The following KCNMA1 variants were observed in gnomAD, a reference collection of about 807,000 sequenced individuals.
KCNMA1 encodes potassium calcium-activated channel subfamily M alpha 1, also known as Calcium-activated potassium channel subunit alpha-1.
Under a neutral mutation model 140.0 loss-of-function variants are expected in KCNMA1, and 29 were observed. That is an observed-to-expected ratio of 0.21 (90% CI 0.15 to 0.28). The LOEUF (loss-of-function observed/expected upper bound fraction) is 0.28, where lower values mean the gene tolerates loss of function less well. Among genes scored for constraint, KCNMA1 ranks in the 10% least tolerant of loss-of-function variants. The probability of loss-of-function intolerance (pLI) is 1.00; values close to 1 mark genes in which losing one functional copy is unlikely to be tolerated. For missense variants in KCNMA1, 880 were observed against 1,602.2 expected (o/e 0.55, Z 7.70); for synonymous variants, 612 against 611.9 (o/e 1.00, Z 0.00).
chr10:77,363,464 T>C (rs1302059608), intron 2 of KCNMA1, among the ~76,000 whole-genome samples: 1 of 152,258 alleles, frequency 6.6e-6, no homozygotes, highest in African/African-American at 2.4e-5. Context: ...GCATAAGCTC[T>C]TCCCATAAAA....
intron 3 of KCNMA1, among the ~76,000 whole-genome samples, chr10:77,212,321 A>C (rs958871200): frequency 6.6e-6 from 1 of 152,260 alleles, no homozygotes; most frequent in African/African-American, 2.4e-5. Context: ...GCTGGAGGCC[A>C]TAATCCTAAG....
chr10:77,042,150 T>TA (rs778474924), intron 14 of KCNMA1, among the ~76,000 whole-genome samples: 6 of 152,130 alleles, frequency 3.9e-5, no homozygotes, highest in Non-Finnish European at 7.3e-5. Context: ...TATCTACAAA[T>TA]TGGCCTTCCC....
intron 2 of KCNMA1, among the ~76,000 whole-genome samples, chr10:77,270,495 CTTTCT>C (rs1211481242): frequency 1.6e-4 from 24 of 147,144 alleles, no homozygotes; most frequent in Admixed American, 2.0e-4. Context: ...TCTTTCCTTT[CTTTCT>C]TTTCTTTTCT....
At chr10:76,928,749 T>G (rs2058478895) in intron 23 of KCNMA1, among the ~76,000 whole-genome samples, 1 of 152,154 alleles carries the variant, frequency 6.6e-6, no homozygotes, top group Non-Finnish European at 1.5e-5. Context: ...TTTGTCATCT[T>G]AAAGGAGCCG....
intron 3 of KCNMA1, among the ~76,000 whole-genome samples, chr10:77,233,858 T>C (rs1378923879): frequency 6.6e-6 from 1 of 152,218 alleles, no homozygotes; most frequent in Admixed American, 6.5e-5. Flanking sequence ...CTTTGACTTT[T>C]ATTCCCCAGT....
intron 2 of KCNMA1, chr10:77,309,612 T>C (rs1056436062): frequency 6.6e-6 from 1 of 152,212 alleles, no homozygotes; most frequent in Non-Finnish European, 1.5e-5. Context: ...TCCAGACTGG[T>C]GTGTTCTCCA....
chr10:77,061,475 C>T (rs1156662581), intron 14 of KCNMA1, among the ~76,000 whole-genome samples: 5 of 152,150 alleles, frequency 3.3e-5, no homozygotes, highest in African/African-American at 1.2e-4. Context: ...ACCTACTAGA[C>T]TGTTTAAAAT....
intron 5 of KCNMA1, among the ~76,000 whole-genome samples, chr10:77,160,960 C>T (rs1416061981): frequency 6.6e-6 from 1 of 152,174 alleles, no homozygotes; most frequent in South Asian, 2.1e-4. Flanking sequence ...TACACACAGA[C>T]AGCTGACACC....
chr10:77,355,167 A>G, intron 2 of KCNMA1: 1 of 155,886 alleles, frequency 6.4e-6, no homozygotes, highest in Non-Finnish European at 1.4e-5. Context: ...TGCTGCTGTC[A>G]GGTAAAGAAG....
chr10:77,084,436 G>A (rs2096648865), intron 12 of KCNMA1, among the ~76,000 whole-genome samples: 1 of 152,182 alleles, frequency 6.6e-6, no homozygotes, highest in Admixed American at 6.5e-5. Context: ...GTGAGCTTCC[G>A]GTTGGTGACA....
chr10:77,389,969 A>G (rs1403937803), intron 2 of KCNMA1, among the ~76,000 whole-genome samples: 2 of 152,216 alleles, frequency 1.3e-5, no homozygotes, highest in African/African-American at 4.8e-5. Flanking sequence ...CTTCACGCCA[A>G]TCACTCTGGC....
chr10:77,452,570 G>A (rs2097683899), intron 1 of KCNMA1, among the ~76,000 whole-genome samples: 1 of 152,206 alleles, frequency 6.6e-6, no homozygotes, highest in African/African-American at 2.4e-5. Flanking sequence ...TTCATGCGAT[G>A]GAGGTTTAAG....
At chr10:77,153,501 A>T (rs1483486716) in intron 5 of KCNMA1, among the ~76,000 whole-genome samples, 5 of 151,994 alleles carry the variant, frequency 3.3e-5, no homozygotes, top group African/African-American at 1.2e-4. Flanking sequence ...CGTCCTGCAT[A>T]GCTGGGACTA....
At position 77,443,874 on chromosome 10, in the gene KCNMA1, A is replaced by G. The variant is rs150299697; in HGVS notation, c.379-39851T>C. On this transcript the variant is annotated intron_variant, in intron 1 of 27. Coordinates refer to ENST00000286628, the MANE Select transcript of KCNMA1 (RefSeq NM_001161352.2). ...GATCAGTAGGGTGACTATAGTTTAG[A>G]AAATATTATATATTTCAAAGTAGCT... 6.4e-3 allele frequency among the ~76,000 whole-genome samples: 982 copies of G among 152,350 alleles called. 11 individuals are homozygous for G. The highest frequency in any genetic ancestry group is 0.054 in the Middle Eastern group (16 of 294).
chr10:77,286,773 G>T (rs796204699), intron 2 of KCNMA1, among the ~76,000 whole-genome samples: 1 of 3,692 alleles, frequency 2.7e-4, no homozygotes, highest in Non-Finnish European at 5.7e-4. Flanking sequence ...GTGCGGGGGG[G>T]GGGGGGGGGT....
At chr10:76,945,292 C>T (rs1476432758) in intron 22 of KCNMA1, among the ~76,000 whole-genome samples, 1 of 152,138 alleles carries the variant, frequency 6.6e-6, no homozygotes, top group Non-Finnish European at 1.5e-5. Flanking sequence ...CTTCTTCCTG[C>T]CTGGAAATTG....
At chr10:76,966,195 A>C (rs2073869572) in intron 20 of KCNMA1, among the ~76,000 whole-genome samples, 3 of 152,224 alleles carry the variant, frequency 2.0e-5, no homozygotes, top group Non-Finnish European at 4.4e-5. Context: ...ATGGGAGCTA[A>C]TCTGAGAAAA....
At chr10:77,632,928 C>T (rs1017546421) in intron 1 of KCNMA1, among the ~76,000 whole-genome samples, 5 of 152,200 alleles carry the variant, frequency 3.3e-5, no homozygotes, top group Non-Finnish European at 7.3e-5. Flanking sequence ...ACATGGTTGG[C>T]AGTCAAAGAT....
intron 17 of KCNMA1, chr10:77,012,610 C>T: frequency 7.0e-7 from 1 of 1,418,940 alleles, no homozygotes; most frequent in South Asian, 1.2e-5. Flanking sequence ...TCTGTCAAAC[C>T]CCCTCTGGAG....
Sources: allele counts gnomAD v4.1 joint callset (sites outside exome capture counted in the v4.1 genomes callset), GRCh38; gene constraint gnomAD v4.1.1; transcripts MANE v1.5; gene names NCBI Gene and HGNC (gene_info 2026-07-23, HGNC 2026-07-21).